The following MYT1L variants were observed in gnomAD, a reference collection of about 807,000 sequenced individuals.
The protein encoded by MYT1L is myelin transcription factor 1 like, also known as myelin transcription factor 1-like protein.
MYT1L carries 12 observed loss-of-function variants against 126.7 expected under a neutral mutation model. The observed-to-expected ratio is 0.09, with a 90% CI of 0.06 to 0.15. The LOEUF (loss-of-function observed/expected upper bound fraction) is 0.15, where lower values mean the gene tolerates loss of function less well. Among genes scored for constraint, MYT1L ranks in the 10% least tolerant of loss-of-function variants. The probability of loss-of-function intolerance (pLI) is 1.00; values close to 1 mark genes in which losing one functional copy is unlikely to be tolerated. For synonymous variants in MYT1L, 541 were observed against 604.2 expected, an observed-to-expected ratio of 0.90 and a Z score of 1.53; for missense variants, 979 against 1,585.2, an observed-to-expected ratio of 0.62 and a Z score of 6.49.
rs2035226291 is a variant in MYT1L at position 1,803,661 on chromosome 2, G to T, written c.3173-1862C>A. Among the ~76,000 whole-genome samples the T allele has an allele frequency of 2.0e-5, 3 of 152,294 alleles. No individual in the cohort carries two copies. The South Asian group carries it at 6.2e-4, about 32-fold the overall frequency. ...TCCATAGCTCTGCTCTGTCCTGGGG[G>T]ACCACCCTCAGGCCCAAGTGGTCAC... On this transcript the variant is annotated intron_variant, in intron 22 of 24. Transcript: ENST00000647738.
chr2:2,308,099 A>G (rs1559625130), intron 1 of MYT1L, among the ~76,000 whole-genome samples: 1 of 151,682 alleles, frequency 6.6e-6, no homozygotes. Flanking sequence ...CCTATACTCC[A>G]CCTACACTTC....
At chr2:2,150,915 CGGAG>C (rs58722779) in intron 3 of MYT1L, among the ~76,000 whole-genome samples, 41 of 133,862 alleles carry the variant, frequency 3.1e-4, no homozygotes, top group Middle Eastern at 3.7e-3. Flanking sequence ...GGGAGGGAGA[CGGAG>C]GGAGGGAGGG....
At chr2:1,805,769 C>A (rs1235378704) in intron 22 of MYT1L, among the ~76,000 whole-genome samples, 1 of 152,098 alleles carries the variant, frequency 6.6e-6, no homozygotes, top group African/African-American at 2.4e-5. Context: ...ATCTGTAGTC[C>A]CAGCTACACA....
At chr2:1,810,394 C>A in intron 21 of MYT1L, among the ~76,000 whole-genome samples, 1 of 152,134 alleles carries the variant, frequency 6.6e-6, no homozygotes, top group Non-Finnish European at 1.5e-5. Context: ...CCCGCCTTGG[C>A]CTCCCAAAGT....
intron 3 of MYT1L, among the ~76,000 whole-genome samples, chr2:2,141,243 T>C (rs2083929912): frequency 6.6e-6 from 1 of 152,232 alleles, no homozygotes; most frequent in South Asian, 2.1e-4. Flanking sequence ...TGGTTGTGTG[T>C]AAATGGGATC....
intron 18 of MYT1L, among the ~76,000 whole-genome samples, chr2:1,879,155 C>A (rs1360477514): frequency 6.6e-6 from 1 of 152,158 alleles, no homozygotes; most frequent in Non-Finnish European, 1.5e-5. Flanking sequence ...TCCTTCAAAG[C>A]CTTTCACTCA....
intron 2 of MYT1L, among the ~76,000 whole-genome samples, chr2:2,269,065 G>T (rs1368844308): frequency 6.6e-6 from 1 of 152,164 alleles, no homozygotes; most frequent in Non-Finnish European, 1.5e-5. Context: ...AGTCTCCTGT[G>T]TGTGGGGTGC....
chr2:2,121,003 G>T (rs1455349018), intron 3 of MYT1L, among the ~76,000 whole-genome samples: 1 of 152,186 alleles, frequency 6.6e-6, no homozygotes, highest in Non-Finnish European at 1.5e-5. Context: ...TCACCGGGAG[G>T]CCGGCGCGGA....
intron 3 of MYT1L, among the ~76,000 whole-genome samples, chr2:2,102,501 T>A (rs1011166416): frequency 6.6e-6 from 1 of 152,162 alleles, no homozygotes; most frequent in Non-Finnish European, 1.5e-5. Flanking sequence ...TGTTTACAGA[T>A]CCTTCCCAAG....
chr2:1,879,983 C>A (rs190175177), intron 18 of MYT1L, among the ~76,000 whole-genome samples: 65 of 152,280 alleles, frequency 4.3e-4, no homozygotes, highest in Non-Finnish European at 7.8e-4. Flanking sequence ...TCATGATTTT[C>A]TTCTGAATTT....
At chr2:2,071,534 T>G (rs2074600885) in intron 3 of MYT1L, among the ~76,000 whole-genome samples, 1 of 152,166 alleles carries the variant, frequency 6.6e-6, no homozygotes, top group African/African-American at 2.4e-5. Flanking sequence ...GGGCTCACCT[T>G]GGAAAGACAA....
At chr2:2,074,896 A>G (rs1034082099) in intron 3 of MYT1L, among the ~76,000 whole-genome samples, 4 of 152,242 alleles carry the variant, frequency 2.6e-5, no homozygotes, top group African/African-American at 9.6e-5. Context: ...CTGAGGGCTT[A>G]TTTTGTGATA....
intron 3 of MYT1L, among the ~76,000 whole-genome samples, chr2:2,109,911 A>ATATATATATC (rs2079213873): frequency 8.3e-6 from 1 of 120,332 alleles, no homozygotes; most frequent in African/African-American, 3.0e-5. Flanking sequence ...ATATATATAT[A>ATATATATATC]TATATATATA....
chr2:2,204,465 A>G (rs1317469237), intron 2 of MYT1L, among the ~76,000 whole-genome samples: 1 of 150,138 alleles, frequency 6.7e-6, no homozygotes, highest in East Asian at 1.9e-4. Flanking sequence ...ATGAACAGAC[A>G]CTTCTCAAAA....
intron 2 of MYT1L, among the ~76,000 whole-genome samples, chr2:2,253,820 C>G (rs911577814): frequency 2.0e-5 from 3 of 151,742 alleles, no homozygotes; most frequent in Admixed American, 2.0e-4. Flanking sequence ...GGCAGGAGAG[C>G]AAGTCGGAAT....
chr2:1,956,574 TTCTATCTATCTATCTATCTA>T (rs72311419), intron 8 of MYT1L, among the ~76,000 whole-genome samples: 3 of 101,518 alleles, frequency 3.0e-5, no homozygotes, highest in African/African-American at 5.3e-5. Context: ...ATATTTCCTA[TTCTATCTATCTATCTATCTA>T]TCTATCTATC....
intron 3 of MYT1L, among the ~76,000 whole-genome samples, chr2:2,066,237 G>A (rs35824269): frequency 4.6e-5 from 7 of 152,118 alleles, no homozygotes; most frequent in South Asian, 4.1e-4. Flanking sequence ...ACAGAGGAAC[G>A]GTAATGATAA....
chr2:1,912,753 C>T lies in MYT1L; in HGVS notation c.1619-643G>A, dbSNP rs1013997856. On this transcript the variant is annotated intron_variant, in intron 11 of 24. Transcript: ENST00000647738. The surrounding 1 kb of genome is among the most constrained non-coding windows in gnomAD (Gnocchi z 4.3). ...GTTTTTACCCTGTGAAATTAACAAGCGGGAGAGGCCTCTTGCATGGACACC... is the reference window on the plus strand; with the variant it reads ...GTTTTTACCCTGTGAAATTAACAAGTGGGAGAGGCCTCTTGCATGGACACC... Among the ~76,000 whole-genome samples the T allele has an allele frequency of 2.1e-5, 3 of 141,518 alleles. No homozygotes were observed. Among genetic ancestry groups the T allele is most frequent in the South Asian group, 2.1e-4 (1 of 4,730 alleles). The allele number at this position is 141,518 out of a possible 152,430, so 92.8% of individuals were successfully genotyped here.
intron 22 of MYT1L, chr2:1,802,025 A>G: frequency 2.2e-6 from 1 of 455,120 alleles, no homozygotes; most frequent in Non-Finnish European, 3.9e-6. Flanking sequence ...AACAATTGAG[A>G]CGCACAGAAG....
Sources: gnomAD v4.1 joint callset for allele counts (sites outside exome capture counted in the v4.1 genomes callset) on GRCh38, gnomAD v4.1.1 for gene constraint, Gnocchi (gnomAD v3.1) non-coding constraint, MANE v1.5 for transcripts, NCBI Gene and HGNC (gene_info 2026-07-23, HGNC 2026-07-21) for gene names.